INTS9: variants seen among roughly 807,000 people sequenced by gnomAD.
INTS9 encodes protein related to CPSF subunits of 74 kDa.
In INTS9, 55 loss-of-function variants were observed where a neutral mutation model predicts 79.7. The observed-to-expected ratio is 0.69, with a 90% CI of 0.56 to 0.86. The LOEUF is 0.86. Among genes scored for constraint, INTS9 ranks in the 40% least tolerant of loss-of-function variants. The probability of loss-of-function intolerance (pLI) is 0.00; values close to 1 mark genes in which losing one functional copy is unlikely to be tolerated. For synonymous variants in INTS9, 319 were observed against 325.2 expected (o/e 0.98, Z 0.20); for missense variants, 721 against 831.5 (o/e 0.87, Z 1.64).
chr8:28,799,590 C>G (rs1804410512), intron 8 of INTS9: 1 of 152,186 alleles, frequency 6.6e-6, no homozygotes. Context: ...CCAAACCAAG[C>G]TGACACCTCA....
rs1802316157 is a variant in INTS9 at position 28,768,165 on chromosome 8, T to C, written c.1958A>G (p.Lys653Arg). The C allele has an allele frequency of 1.2e-6, 2 of 1,614,038 alleles. No individual in the cohort carries two copies. The highest frequency in any genetic ancestry group is 1.7e-5 in the Admixed American group (1 of 60,004). Residue 653 changes from lysine (K) to arginine (R), a missense_variant, in exon 17 of 17, where the codon AAA (lysine) becomes AGA (arginine). By Grantham distance (26) the Lys-to-Arg change is conservative. Around this residue, in one of 3 missense-constraint regions of INTS9, gnomAD observed 281 missense variants for 300.8 expected, o/e 0.93. Transcript: ENST00000521022. ...LRVRLRDLVL[K>R]FLQKF The stretch of plus-strand genomic sequence containing the variant: ...GCCCACTCAGAACTTCTGTAAGAAT[T>C]TGAGGACAAGGTCCCGCAGTCGCAC...
chr8:28,865,317 G>A (rs1268842006), intron 1 of INTS9, among the ~76,000 whole-genome samples: 4 of 151,390 alleles, frequency 2.6e-5, no homozygotes, highest in Admixed American at 1.3e-4. Context: ...GTATCTATAC[G>A]ATTTATAAAT....
chr8:28,877,989 T>C (rs953866818), intron 1 of INTS9, among the ~76,000 whole-genome samples: 4 of 152,146 alleles, frequency 2.6e-5, no homozygotes, highest in African/African-American at 9.7e-5. Context: ...CAGAAAAAAG[T>C]ATCTTGAAAC....
intron 1 of INTS9, among the ~76,000 whole-genome samples, chr8:28,880,784 C>T (rs1183919209): frequency 1.3e-5 from 2 of 149,254 alleles, no homozygotes; most frequent in African/African-American, 4.9e-5. Flanking sequence ...CGTCTCTGCC[C>T]GGCCGCCATC....
Position 28,775,694 on chromosome 8 carries a change from C to T in INTS9, c.1563+65G>A, listed in dbSNP as rs896752822. Reference sequence around the variant, plus strand: ...ACATAAATCCAAAAGAAGGCCACCCCTGCACGATCTCCAAGAGCCTCTGTG... The same window carrying T: ...ACATAAATCCAAAAGAAGGCCACCCTTGCACGATCTCCAAGAGCCTCTGTG... On this transcript the variant is annotated intron_variant, in intron 14 of 16. Transcript: ENST00000521022. 12 of 1,547,342 alleles carry T rather than the reference C, an allele frequency of 7.8e-6. No homozygotes were observed. The African/African-American group carries it at 1.5e-4, about 19-fold the overall frequency.
rs539350524 is a variant in INTS9, at chr8:28,884,711, TGACATTACATCCTAAAGACACAG to T, written c.9+5140_9+5162del. ...AATATGACCTTTGAAAAGCTTGAAA[TGACATTACATCCTAAAGACACAG>T]GAGGGCACTCTTATTAACCAGCAAA... On this transcript the variant is annotated intron_variant, in intron 1 of 16. Coordinates refer to ENST00000521022, the MANE Select transcript of INTS9 (RefSeq NM_018250.4). Among the ~76,000 whole-genome samples the T allele has an allele frequency of 2.0e-5, 3 of 152,256 alleles. No homozygotes were observed. In the South Asian group the frequency reaches 6.2e-4, roughly 32 times the overall value.
chr8:28,813,474 T>C lies in INTS9; in HGVS notation c.609+18A>G. On this transcript the variant is annotated intron_variant, in intron 7 of 16. Transcript: ENST00000521022. ...GGAAAGCATTCATGAATAACTGAAA[T>C]GTAATATGAATACTCACAATTTTCT... 1 of 1,609,200 alleles carries C rather than the reference T, an allele frequency of 6.2e-7. No individual in the cohort carries two copies. Among genetic ancestry groups the C allele is most frequent in the Non-Finnish European group, 8.5e-7 (1 of 1,176,328 alleles).
chr8:28,842,233 G>A (rs1807234114), intron 4 of INTS9, among the ~76,000 whole-genome samples: 1 of 152,172 alleles, frequency 6.6e-6, no homozygotes, highest in Non-Finnish European at 1.5e-5. Context: ...ACGAGGGGTT[G>A]GTCTTGTTGT....
At chr8:28,849,790 A>G (rs1807727252) in intron 3 of INTS9, among the ~76,000 whole-genome samples, 1 of 152,214 alleles carries the variant, frequency 6.6e-6, no homozygotes. Context: ...CTGACCCTTG[A>G]TAGAAGCAGT....
At chr8:28,871,495 T>G (rs1261558171) in intron 1 of INTS9, among the ~76,000 whole-genome samples, 1 of 152,020 alleles carries the variant, frequency 6.6e-6, no homozygotes, top group Non-Finnish European at 1.5e-5. Flanking sequence ...GCCTCAACCT[T>G]CTGGGCTCAA....
chr8:28,837,820 G>C (rs200357113), intron 4 of INTS9, 44 bp from the exon 5 acceptor site: 2 of 1,553,184 alleles, frequency 1.3e-6, no homozygotes, highest in Admixed American at 1.8e-5. Flanking sequence ...TTCAGGGATC[G>C]ATCAATATGA....
Position 28,835,998 on chromosome 8 carries a change from C to T in INTS9, c.402-620G>A, listed in dbSNP as rs372496073. 4.6e-3 allele frequency among the ~76,000 whole-genome samples: 697 copies of T among 152,012 alleles called. 4 individuals are homozygous for T. Among genetic ancestry groups the T allele is most frequent in the African/African-American group, 0.016 (647 of 41,460 alleles). On this transcript the variant is annotated intron_variant, in intron 5 of 16. Coordinates refer to ENST00000521022, the MANE Select transcript of INTS9 (RefSeq NM_018250.4). ...TAATTTTTTGTATTTTTAGTAGAGA[C>T]GGGGTTTCACTATGTTGGCCAGGCT... is the stretch of plus-strand genomic sequence containing the variant.
intron 6 of INTS9, among the ~76,000 whole-genome samples, chr8:28,823,499 G>C (rs79587818): frequency 0.089 from 13,473 of 152,202 alleles, 804 homozygotes; most frequent in East Asian, 0.26. Flanking sequence ...CTCGGTGTCT[G>C]TGTTCAACTC....
intron 6 of INTS9, among the ~76,000 whole-genome samples, chr8:28,824,592 G>A (rs903126252): frequency 8.5e-5 from 13 of 152,202 alleles, no homozygotes; most frequent in African/African-American, 3.1e-4. Flanking sequence ...TCTTTGGGAA[G>A]GCTGGCTGGC....
intron 1 of INTS9, among the ~76,000 whole-genome samples, chr8:28,869,242 A>G (rs1466719415): frequency 6.6e-6 from 1 of 152,160 alleles, no homozygotes; most frequent in Non-Finnish European, 1.5e-5. Context: ...GGGTTTTGCC[A>G]TGTTGCCCAG....
intron 2 of INTS9, among the ~76,000 whole-genome samples, chr8:28,857,605 A>G (rs544627424): frequency 6.6e-6 from 1 of 152,372 alleles, no homozygotes; most frequent in African/African-American, 2.4e-5. Context: ...TAATTTAATT[A>G]ATTAGTTAAT....
At chr8:28,871,446 C>T (rs1238095365) in intron 1 of INTS9, among the ~76,000 whole-genome samples, 1 of 152,000 alleles carries the variant, frequency 6.6e-6, no homozygotes, top group Non-Finnish European at 1.5e-5. Flanking sequence ...ACTCTATTGC[C>T]CAGGCTGCAG....
At chr8:28,819,791 T>A (rs1174626189) in intron 6 of INTS9, among the ~76,000 whole-genome samples, 6 of 152,170 alleles carry the variant, frequency 3.9e-5, no homozygotes, top group Non-Finnish European at 8.8e-5. Flanking sequence ...GGAGTCTAAG[T>A]CTCTTTGTAG....
Position 28,837,637 on chromosome 8 carries a change from CT to C in INTS9, c.400del (p.Arg134GlyfsTer8), listed in dbSNP as rs1806888593. On this transcript the variant is annotated frameshift_variant and splice_region_variant, in exon 5 of 17. Transcript: ENST00000521022. LOFTEE classifies it high-confidence loss of function. ...GCAGGGTCAGAATCAACCCTCTCAC[CT>C]GCCGATCTGGACGGTGGGTTCCGTG... is the stretch of plus-strand genomic sequence containing the variant. ...YATEPTVQIG[R>X]LLMEELVNFI... 3.1e-6 allele frequency: 5 copies of C among 1,612,398 alleles called. No homozygotes were observed. Among genetic ancestry groups the C allele is most frequent in the Non-Finnish European group, 4.2e-6 (5 of 1,179,688 alleles).
Sources: gnomAD v4.1 joint callset for allele counts (sites outside exome capture counted in the v4.1 genomes callset) on GRCh38, gnomAD v4.1.1 for gene constraint, gnomAD v4.1.1 regional missense constraint, MANE v1.5 for transcripts, NCBI Gene and HGNC (gene_info 2026-07-23, HGNC 2026-07-21) for gene names.